Variants in NKAIN2 observed in about 807,000 individuals in gnomAD.
NKAIN2 encodes sodium/potassium transporting ATPase interacting 2.
A neutral mutation model predicts 32.6 loss-of-function variants in NKAIN2; 14 were observed. The observed-to-expected ratio is 0.43, with a 90% CI of 0.28 to 0.67. The LOEUF is 0.67. Among genes scored for constraint, NKAIN2 ranks in the 30% least tolerant of loss-of-function variants. The probability of loss-of-function intolerance (pLI) is 0.17; values close to 1 mark genes in which losing one functional copy is unlikely to be tolerated. For synonymous variants in NKAIN2, 80 were observed against 87.2 expected (o/e 0.92, Z 0.46); for missense variants, 198 against 258.3 (o/e 0.77, Z 1.60).
chr6:124,488,101 T>C (rs1777725704), intron 3 of NKAIN2, among the ~76,000 whole-genome samples: 1 of 152,116 alleles, frequency 6.6e-6, no homozygotes, highest in Non-Finnish European at 1.5e-5. Flanking sequence ...GTATGACTAA[T>C]GCAGCATGCA....
intron 3 of NKAIN2, among the ~76,000 whole-genome samples, chr6:124,577,226 C>T (rs1260663044): frequency 6.6e-6 from 1 of 152,140 alleles, no homozygotes; most frequent in East Asian, 1.9e-4. Context: ...ACAAAAATTA[C>T]CTTCATAAGA....
chr6:124,107,406 A>G (rs1785174332), intron 1 of NKAIN2, among the ~76,000 whole-genome samples: 1 of 152,186 alleles, frequency 6.6e-6, no homozygotes, highest in South Asian at 2.1e-4. Context: ...TACTACAGTA[A>G]TGCATCCAAA....
chr6:123,967,805 CCTT>C (rs1260203742), intron 1 of NKAIN2, among the ~76,000 whole-genome samples: 1 of 152,108 alleles, frequency 6.6e-6, no homozygotes, highest in Non-Finnish European at 1.5e-5. Context: ...GTTCTTTTCT[CCTT>C]CTTTGTTCCT....
chr6:123,851,244 ATT>A (rs59287833), intron 1 of NKAIN2, among the ~76,000 whole-genome samples: 1 of 88,196 alleles, frequency 1.1e-5, no homozygotes, highest in Non-Finnish European at 2.0e-5. Context: ...TGGTGGTTCT[ATT>A]TTTTTTTTTT....
chr6:124,376,011 C>T (rs1373367128), intron 3 of NKAIN2, among the ~76,000 whole-genome samples: 1 of 151,986 alleles, frequency 6.6e-6, no homozygotes, highest in Admixed American at 6.6e-5. Context: ...AAAGAAGATT[C>T]TAATAGTAGG....
At chr6:124,003,487 G>A (rs889689733) in intron 1 of NKAIN2, among the ~76,000 whole-genome samples, 23 of 152,122 alleles carry the variant, frequency 1.5e-4, no homozygotes, top group African/African-American at 5.3e-4. Flanking sequence ...AGAACTTGTT[G>A]ATGGAATGCA....
chr6:124,261,491 G>C (rs899259920), intron 1 of NKAIN2, among the ~76,000 whole-genome samples: 1 of 152,196 alleles, frequency 6.6e-6, no homozygotes. Context: ...CTAGGTGACT[G>C]TCATAGTCAT....
intron 1 of NKAIN2, among the ~76,000 whole-genome samples, chr6:124,123,575 C>T (rs1161861063): frequency 6.6e-6 from 1 of 152,000 alleles, no homozygotes; most frequent in Non-Finnish European, 1.5e-5. Context: ...CTAAGACTGT[C>T]ATTTCAGAGA....
chr6:123,903,043 AAAG>A (rs1448478356), intron 1 of NKAIN2, among the ~76,000 whole-genome samples: 4 of 152,232 alleles, frequency 2.6e-5, no homozygotes, highest in Non-Finnish European at 4.4e-5. Context: ...TTCAAGAAAC[AAAG>A]AAGGAGACAT....
At chr6:124,421,078 A>T (rs949078410) in intron 3 of NKAIN2, among the ~76,000 whole-genome samples, 48 of 124,266 alleles carry the variant, frequency 3.9e-4, no homozygotes, top group African/African-American at 1.7e-3. Flanking sequence ...CAAAATTAAA[A>T]AAAAAAAAAA....
intron 3 of NKAIN2, among the ~76,000 whole-genome samples, chr6:124,405,439 A>G (rs958308546): frequency 1.3e-4 from 20 of 152,078 alleles, no homozygotes; most frequent in African/African-American, 3.4e-4. Flanking sequence ...TGGGATATTT[A>G]TTTTTAAATC....
At chr6:124,101,728 C>T (rs1381777251) in intron 1 of NKAIN2, among the ~76,000 whole-genome samples, 1 of 152,000 alleles carries the variant, frequency 6.6e-6, no homozygotes, top group African/African-American at 2.4e-5. Flanking sequence ...TATTTCAGGA[C>T]AATAACTTCC....
chr6:124,646,275 G>C (rs1784163320), intron 3 of NKAIN2, among the ~76,000 whole-genome samples: 1 of 152,074 alleles, frequency 6.6e-6, no homozygotes, highest in Admixed American at 6.5e-5. Flanking sequence ...AGAATAATTA[G>C]CTCTTGGAAG....
intron 1 of NKAIN2, among the ~76,000 whole-genome samples, chr6:123,839,470 G>A (rs914156964): frequency 2.0e-5 from 3 of 151,908 alleles, no homozygotes; most frequent in African/African-American, 7.3e-5. Flanking sequence ...TATTCTTTCT[G>A]TTGAGTTACT....
intron 1 of NKAIN2, among the ~76,000 whole-genome samples, chr6:123,884,706 A>C (rs1236445560): frequency 6.6e-6 from 1 of 152,130 alleles, no homozygotes; most frequent in Non-Finnish European, 1.5e-5. Context: ...ATAATTCATT[A>C]CAAACATTAC....
chr6:124,157,102 CAAAAAAAAAAAAAA>C (rs386408503), intron 1 of NKAIN2, among the ~76,000 whole-genome samples: 1 of 48,982 alleles, frequency 2.0e-5, no homozygotes, highest in African/African-American at 9.6e-5. Flanking sequence ...GACTCTGTCT[CAAAAAAAAAAAAAA>C]AAAAAAAAAA....
chr6:124,547,187 C>T (rs914288004), intron 3 of NKAIN2, among the ~76,000 whole-genome samples: 5 of 151,654 alleles, frequency 3.3e-5, no homozygotes, highest in Middle Eastern at 3.4e-3. Flanking sequence ...AAGTGAGAAA[C>T]GGTTATTCAT....
chr6:124,040,256 G>T (rs1781808389), intron 1 of NKAIN2, among the ~76,000 whole-genome samples: 1 of 151,832 alleles, frequency 6.6e-6, no homozygotes, highest in African/African-American at 2.4e-5. Flanking sequence ...ATTTATGTAA[G>T]ATTTTGTTAT....
At chr6:124,115,009 G>A (rs2114977344) in intron 1 of NKAIN2, among the ~76,000 whole-genome samples, 1 of 152,142 alleles carries the variant, frequency 6.6e-6, no homozygotes, top group East Asian at 1.9e-4. Flanking sequence ...ATATGCAATT[G>A]GAAAAGCTTT....
Sources: allele counts gnomAD v4.1 joint callset (sites outside exome capture counted in the v4.1 genomes callset), GRCh38; gene constraint gnomAD v4.1.1; transcripts MANE v1.5; gene names NCBI Gene and HGNC (gene_info 2026-07-23, HGNC 2026-07-21).